The following OAS1 variants were observed in gnomAD, a reference collection of about 807,000 sequenced individuals.
OAS1 encodes 2'-5'-oligoadenylate synthase 1.
OAS1 carries 24 observed loss-of-function variants against 38.5 expected under a neutral mutation model. The observed-to-expected ratio is 0.62, with a 90% CI of 0.45 to 0.88. The LOEUF is 0.88. Among genes scored for constraint, OAS1 ranks in the 40% least tolerant of loss-of-function variants. The pLI is 0.00. For synonymous variants in OAS1, 169 were observed against 193.9 expected (o/e 0.87, Z 1.07); for missense variants, 482 against 493.9 (o/e 0.98, Z 0.23).
chr12:112,907,064 GC>G lies in OAS1; in HGVS notation c.27del (p.Lys10AsnfsTer32). On this transcript the variant is annotated frameshift_variant, in exon 1 of 6. Coordinates refer to ENST00000202917, the MANE Select transcript of OAS1 (RefSeq NM_016816.4). LOFTEE classifies it high-confidence loss of function. The part of the protein sequence containing the change: MMDLRNTP[A>X]KSLDKFIEDY... ...AATGATGGATCTCAGAAATACCCCA[GC>G]CAAATCTCTGGACAAGTTCATTGAA... 6.2e-7 allele frequency: 1 copy of G among 1,614,216 alleles called. No individual in the cohort carries two copies. The highest frequency in any genetic ancestry group is 8.5e-7 in the Non-Finnish European group (1 of 1,180,048).
intron 6 of OAS1, among the ~76,000 whole-genome samples, chr12:112,927,622 A>G (rs574944519): frequency 6.6e-6 from 1 of 152,356 alleles, no homozygotes; most frequent in African/African-American, 2.4e-5. Context: ...TGATTGCAGC[A>G]GGACTACTAT....
chr12:112,920,190 T>G (rs1242451824), downstream of OAS1, among the ~76,000 whole-genome samples: 1 of 152,214 alleles, frequency 6.6e-6, no homozygotes, highest in South Asian at 2.1e-4. Flanking sequence ...TTAGATGGTT[T>G]TCCTATTACT....
chr12:112,909,212 T>C (rs372854402), intron 2 of OAS1, among the ~76,000 whole-genome samples: 38 of 152,376 alleles, frequency 2.5e-4, no homozygotes, highest in South Asian at 2.3e-3. Context: ...TATTTATAAT[T>C]TGCAGGAACA....
Position 112,919,507 on chromosome 12 carries a change from C to T in OAS1, c.1157C>T (p.Ala386Val), listed in dbSNP as rs1275956758. 1 of 1,614,244 alleles carries T rather than the reference C, an allele frequency of 6.2e-7. No individual in the cohort carries two copies. ...FSHRPSTLQAASTPQAEEDWT... is the reference protein window; with the variant it reads ...FSHRPSTLQAVSTPQAEEDWT... The stretch of plus-strand genomic sequence containing the variant: ...CATAGACCCAGCACACTCCAGGCAG[C>T]ATCCACCCCACAGGCAGAAGAGGAC... Residue 386 changes from alanine to valine, a missense_variant, in exon 6 of 6, where the codon GCA (alanine) becomes GTA (valine). By Grantham distance (64) the Ala-to-Val change is moderately conservative. Coordinates refer to ENST00000202917, the MANE Select transcript of OAS1 (RefSeq NM_016816.4).
chr12:112,916,094 A>G (rs1291232230), intron 3 of OAS1, among the ~76,000 whole-genome samples: 1 of 152,194 alleles, frequency 6.6e-6, no homozygotes, highest in Non-Finnish European at 1.5e-5. Context: ...TAATTTTCGT[A>G]GTATCTTTAT....
intron 3 of OAS1, among the ~76,000 whole-genome samples, chr12:112,912,939 A>C (rs2043407026): frequency 6.6e-6 from 1 of 152,172 alleles, no homozygotes; most frequent in East Asian, 1.9e-4. Flanking sequence ...TTTATAGCCA[A>C]ATGTTTAGTT....
At chr12:112,918,939 G>A (rs1593163427) in intron 5 of OAS1, 2 of 252,712 alleles carry the variant, frequency 7.9e-6, no homozygotes, top group South Asian at 9.6e-5. Context: ...CTGGGGGAGA[G>A]CCACTGGAAC....
intron 3 of OAS1, among the ~76,000 whole-genome samples, chr12:112,915,422 T>C (rs1278258436): frequency 6.6e-6 from 1 of 152,252 alleles, no homozygotes; most frequent in Non-Finnish European, 1.5e-5. Flanking sequence ...AAAGATCAGT[T>C]GGCTGTAAGT....
At chr12:112,926,792 C>T (rs886932814) in intron 6 of OAS1, among the ~76,000 whole-genome samples, 1 of 152,194 alleles carries the variant, frequency 6.6e-6, no homozygotes, top group African/African-American at 2.4e-5. Flanking sequence ...ATTTCCTAAT[C>T]CTAGCAAGCC....
chr12:112,922,201 T>G (rs1057135816), downstream of OAS1, among the ~76,000 whole-genome samples: 2 of 152,166 alleles, frequency 1.3e-5, no homozygotes, highest in African/African-American at 4.8e-5. Flanking sequence ...CATTACTATA[T>G]ATGCTATGGT....
At chr12:112,919,362 A>G (rs1393598412) in intron 5 of OAS1, 27 bp from the exon 6 acceptor site, 1 of 1,592,856 alleles carries the variant, frequency 6.3e-7, no homozygotes. Flanking sequence ...AGACTCCCTG[A>G]TGTGATCATG....
intron 2 of OAS1, among the ~76,000 whole-genome samples, chr12:112,910,075 A>T (rs1593154529): frequency 6.6e-6 from 1 of 152,086 alleles, no homozygotes; most frequent in Non-Finnish European, 1.5e-5. Context: ...TGTAAAAGAC[A>T]AGAGGGAGAA....
At chr12:112,919,122 T>C (rs2043504412) in intron 5 of OAS1, 1 of 414,006 alleles carries the variant, frequency 2.4e-6, no homozygotes, top group Non-Finnish European at 4.4e-6. Flanking sequence ...CAGGCTTCTA[T>C]ACCCCTACGT....
downstream of OAS1, among the ~76,000 whole-genome samples, chr12:112,924,236 C>G (rs1404024903): frequency 6.6e-6 from 1 of 152,156 alleles, no homozygotes; most frequent in Non-Finnish European, 1.5e-5. Context: ...TTCCATTGGT[C>G]TATTTTTTGT....
At position 112,919,624 on chromosome 12, in the gene OAS1, C is replaced by T; in HGVS notation, c.*71C>T. On this transcript the variant is annotated 3_prime_UTR_variant, in exon 6 of 6. Coordinates refer to ENST00000202917, the MANE Select transcript of OAS1 (RefSeq NM_016816.4). The stretch of plus-strand genomic sequence containing the variant: ...AGTTCCTTCATTTTCAGGTGGGACT[C>T]TTGATCCAGAGAGGACAAAGCTCCT... The T allele has an allele frequency of 6.2e-7, 1 of 1,612,596 alleles. No individual in the cohort carries two copies. Among genetic ancestry groups the T allele is most frequent in the South Asian group, 1.1e-5 (1 of 90,866 alleles).
chr12:112,924,603 T>C (rs1383191848), downstream of OAS1, among the ~76,000 whole-genome samples: 1 of 152,118 alleles, frequency 6.6e-6, no homozygotes, highest in Non-Finnish European at 1.5e-5. Flanking sequence ...GTTTTTGTCA[T>C]ATGTATTCCC....
downstream of OAS1, among the ~76,000 whole-genome samples, chr12:112,922,083 C>T (rs905497689): frequency 1.3e-5 from 2 of 152,166 alleles, no homozygotes; most frequent in Non-Finnish European, 2.9e-5. Context: ...TGACGCTTTT[C>T]GTTATCAGTG....
downstream of OAS1, among the ~76,000 whole-genome samples, chr12:112,922,456 C>T (rs2043536349): frequency 6.6e-6 from 1 of 152,160 alleles, no homozygotes; most frequent in Non-Finnish European, 1.5e-5. Context: ...GTCCCTAACC[C>T]TGTATCAGTC....
At chr12:112,927,603 GA>G (rs1421272109) in intron 6 of OAS1, among the ~76,000 whole-genome samples, 1 of 152,138 alleles carries the variant, frequency 6.6e-6, no homozygotes, top group Non-Finnish European at 1.5e-5. Context: ...TTACTCTATA[GA>G]ACATGCATGA....
Sources: allele counts gnomAD v4.1 joint callset (sites outside exome capture counted in the v4.1 genomes callset), GRCh38; gene constraint gnomAD v4.1.1; transcripts MANE v1.5; gene names NCBI Gene and HGNC (gene_info 2026-07-23, HGNC 2026-07-21).